Variants in RBMS3 observed in about 807,000 individuals in gnomAD.
RBMS3 encodes the protein RNA-binding motif, single-stranded-interacting protein 3.
Under a neutral mutation model 66.8 loss-of-function variants are expected in RBMS3, and 27 were observed. The observed-to-expected ratio is 0.40, with a 90% confidence interval of 0.30 to 0.56. The LOEUF is 0.56. Ranked by LOEUF, RBMS3 falls within the 20% of genes least tolerant of loss-of-function variation. RBMS3 has a pLI of 0.40. For synonymous variants in RBMS3, 188 were observed against 183.0 expected (o/e 1.03, Z -0.22); for missense variants, 513 against 549.5 (o/e 0.93, Z 0.66).
chr3:29,904,191 C>A (rs1184648796), intron 10 of RBMS3, among the ~76,000 whole-genome samples: 2 of 151,872 alleles, frequency 1.3e-5, no homozygotes, highest in African/African-American at 4.8e-5. Context: ...AGTAAAATAA[C>A]TTTAAACAAT....
intron 6 of RBMS3, among the ~76,000 whole-genome samples, chr3:29,809,621 A>G (rs1255135808): frequency 2.0e-5 from 3 of 151,954 alleles, no homozygotes; most frequent in Non-Finnish European, 1.5e-5. Flanking sequence ...AATAGAAGGC[A>G]AACAGTTTAT....
intron 1 of RBMS3, among the ~76,000 whole-genome samples, chr3:29,428,066 C>A (rs993789872): frequency 6.6e-6 from 1 of 152,022 alleles, no homozygotes; most frequent in African/African-American, 2.4e-5. Flanking sequence ...GAATGCCATG[C>A]GAAGTTGAAC....
chr3:29,841,989 AT>A (rs1229172211), intron 6 of RBMS3, among the ~76,000 whole-genome samples: 1 of 152,018 alleles, frequency 6.6e-6, no homozygotes, highest in East Asian at 1.9e-4. Flanking sequence ...GTCTTTTCTT[AT>A]TTTTGCTAAT....
At chr3:29,571,298 T>C (rs2046944492) in intron 3 of RBMS3, among the ~76,000 whole-genome samples, 1 of 152,172 alleles carries the variant, frequency 6.6e-6, no homozygotes, top group African/African-American at 2.4e-5. Flanking sequence ...TTCATTGTTT[T>C]CCCTCACTGT....
intron 11 of RBMS3, among the ~76,000 whole-genome samples, chr3:29,936,857 T>G (rs769430370): frequency 2.0e-4 from 31 of 152,010 alleles, no homozygotes; most frequent in Admixed American, 9.9e-4. Context: ...AAGAAAAACT[T>G]TGTTTGATTT....
chr3:29,622,463 A>T (rs2048900825), intron 4 of RBMS3, among the ~76,000 whole-genome samples: 1 of 152,222 alleles, frequency 6.6e-6, no homozygotes, highest in Admixed American at 6.5e-5. Flanking sequence ...ATAGTTTATA[A>T]AATAAATGCA....
chr3:29,479,566 C>T (rs186187744), intron 2 of RBMS3, among the ~76,000 whole-genome samples: 2 of 152,114 alleles, frequency 1.3e-5, no homozygotes, highest in East Asian at 1.9e-4. Context: ...TGCTTTCATA[C>T]AGGCTGTGAG....
In RBMS3 at chr3:30,005,572, A is replaced by G. The variant is rs1297993788; in HGVS notation, c.*1710A>G. On this transcript the variant is annotated 3_prime_UTR_variant, in exon 15 of 15. Transcript: ENST00000383767. ...GGAAAGGTCTCATTGTATTTGAACA[A>G]TAGTCTTCCCTCTAAATTACAACAC... The G allele has an allele frequency of 6.6e-6, 1 of 151,892 alleles. No homozygotes were observed. The highest frequency in any genetic ancestry group is 1.5e-5 in the Non-Finnish European group (1 of 67,852). 9.4% of individuals were successfully genotyped at this position (151,892 alleles called of 1,614,324 possible). A position where few individuals can be genotyped will look rare whatever the true frequency, so the allele number is the denominator to read the frequency against.
chr3:29,357,340 T>G (rs2125571793), intron 1 of RBMS3, among the ~76,000 whole-genome samples: 1 of 152,266 alleles, frequency 6.6e-6, no homozygotes, highest in African/African-American at 2.4e-5. Flanking sequence ...AGAATGATGA[T>G]TTCCAGCTTC....
intron 6 of RBMS3, among the ~76,000 whole-genome samples, chr3:29,805,686 G>A (rs943500059): frequency 1.3e-5 from 2 of 151,920 alleles, no homozygotes; most frequent in African/African-American, 4.8e-5. Flanking sequence ...TATGGAATAA[G>A]GATATTAAGA....
At chr3:29,533,118 C>T (rs767810396) in intron 3 of RBMS3, among the ~76,000 whole-genome samples, 3 of 152,184 alleles carry the variant, frequency 2.0e-5, no homozygotes, top group South Asian at 2.1e-4. Flanking sequence ...CCTAAATGGT[C>T]GATAGAAATT....
intron 1 of RBMS3, among the ~76,000 whole-genome samples, chr3:29,313,323 T>C (rs1215862270): frequency 6.6e-6 from 1 of 151,760 alleles, no homozygotes; most frequent in East Asian, 1.9e-4. Context: ...GATTGCTTTC[T>C]CTTACTGCCA....
At chr3:29,383,670 A>G (rs1020751037) in intron 1 of RBMS3, among the ~76,000 whole-genome samples, 2 of 152,164 alleles carry the variant, frequency 1.3e-5, no homozygotes, top group African/African-American at 2.4e-5. Flanking sequence ...ATCTTATTCA[A>G]CTTCATTCCC....
chr3:29,818,795 C>T (rs2057992025), intron 6 of RBMS3, among the ~76,000 whole-genome samples: 3 of 152,016 alleles, frequency 2.0e-5, no homozygotes, highest in African/African-American at 7.2e-5. Flanking sequence ...AATGTGACTC[C>T]TTATTTGGCC....
At chr3:29,676,772 A>C (rs1416162239) in intron 4 of RBMS3, among the ~76,000 whole-genome samples, 1 of 152,210 alleles carries the variant, frequency 6.6e-6, no homozygotes, top group Non-Finnish European at 1.5e-5. Flanking sequence ...AAAAATATAC[A>C]TGATGATAAC....
chr3:30,005,868 A>AAAAG lies in RBMS3; in HGVS notation c.*2009_*2012dup, dbSNP rs1699791479. ...AGTATGATTTATATCAATAAGAACC[A>AAAAG]AAAGAATTAGGTTTGATCAATCATT... On this transcript the variant is annotated 3_prime_UTR_variant, in exon 15 of 15. Transcript: ENST00000383767. 6.6e-6 allele frequency: 1 copy of AAAAG among 151,942 alleles called. No individual in the cohort carries two copies. The highest frequency in any genetic ancestry group is 2.1e-4 in the South Asian group (1 of 4,818). The allele number at this position is 151,942 out of a possible 1,614,324, so 9.4% of individuals were successfully genotyped here. A position where few individuals can be genotyped will look rare whatever the true frequency, so the allele number is the denominator to read the frequency against.
At chr3:29,922,104 G>C (rs1444375801) in intron 10 of RBMS3, among the ~76,000 whole-genome samples, 1 of 152,192 alleles carries the variant, frequency 6.6e-6, no homozygotes, top group African/African-American at 2.4e-5. Context: ...TAATCTCCTT[G>C]ATTACTTTAT....
At chr3:29,877,421 T>C (rs2059634787) in intron 7 of RBMS3, among the ~76,000 whole-genome samples, 1 of 152,186 alleles carries the variant, frequency 6.6e-6, no homozygotes, top group African/African-American at 2.4e-5. Flanking sequence ...TGAATGTAAT[T>C]ATTATTTGGA....
intron 6 of RBMS3, 35 bp from the exon 7 acceptor site, chr3:29,868,823 G>A (rs1459122958): frequency 1.3e-6 from 2 of 1,517,900 alleles, no homozygotes; most frequent in South Asian, 1.2e-5. Flanking sequence ...TTAAGGGGGA[G>A]TTGTTAATGT....
Sources: allele counts gnomAD v4.1 joint callset (sites outside exome capture counted in the v4.1 genomes callset), GRCh38; gene constraint gnomAD v4.1.1; transcripts MANE v1.5; gene names NCBI Gene and HGNC (gene_info 2026-07-23, HGNC 2026-07-21).